Variants in SNED1 observed in about 807,000 individuals in gnomAD.
SNED1 encodes the protein sushi, nidogen and EGF-like domain-containing protein 1.
Under a neutral mutation model 166.7 loss-of-function variants are expected in SNED1, and 81 were observed. The ratio of observed to expected loss-of-function variants is 0.49; its 90% CI spans 0.41 to 0.58. The LOEUF is 0.58. Ranked by LOEUF, SNED1 falls within the 20% of genes least tolerant of loss-of-function variation. SNED1 has a pLI of 0.00. For missense variants in SNED1, 1,604 were observed against 2,000.2 expected (o/e 0.80, Z 3.78); for synonymous variants, 762 against 822.0 (o/e 0.93, Z 1.25).
At chr2:241,048,069 G>A (rs570845243) in intron 8 of SNED1, among the ~76,000 whole-genome samples, 4 of 152,170 alleles carry the variant, frequency 2.6e-5, no homozygotes, top group Non-Finnish European at 5.9e-5. Context: ...GGTGCTTCTT[G>A]TTCTGTCCAA....
In SNED1 at chr2:240,998,788, C is replaced by T; in HGVS notation, c.-50C>T. ...GGCCACCCCCGCGCGCAGCCTAGTC[C>T]CCCAGCGCCCTGCTCCGCCAGCGCC... On this transcript the variant is annotated 5_prime_UTR_variant, in exon 1 of 32. Transcript: ENST00000310397. 2.0e-6 allele frequency: 2 copies of T among 984,780 alleles called. No homozygotes were observed. The highest frequency in any genetic ancestry group is 4.3e-5 in the South Asian group (1 of 23,316). The allele number at this position is 984,780 out of a possible 1,614,324, so 61.0% of individuals were successfully genotyped here. A position where few individuals can be genotyped will look rare whatever the true frequency, so the allele number is the denominator to read the frequency against.
In SNED1 at chr2:241,081,764, C is replaced by T. The variant is rs755846432; in HGVS notation, c.4004C>T (p.Pro1335Leu). Residue 1335 changes from proline (P) to leucine (L), a missense_variant, in exon 28 of 32, where the codon CCA (proline) becomes CTA (leucine). By Grantham distance (98) the Pro-to-Leu change is moderately conservative. Coordinates refer to ENST00000310397, the MANE Select transcript of SNED1 (RefSeq NM_001080437.3). ...GACGCCCACAGCTGTGACTGCGGGC[C>T]AGGGTTCAAAGGCAGACGCTGCGAG... ...GADAHSCDCG[P>L]GFKGRRCELA... 2 of 1,601,268 alleles carry T rather than the reference C, an allele frequency of 1.2e-6. No individual in the cohort carries two copies. Among genetic ancestry groups the T allele is most frequent in the Admixed American group, 1.7e-5 (1 of 58,250 alleles).
At chr2:241,063,026 C>T (rs1228803992) in intron 17 of SNED1, 122 bp downstream of exon 17, 4 of 626,350 alleles carry the variant, frequency 6.4e-6, no homozygotes, top group Non-Finnish European at 1.1e-5. Context: ...CATGCTTTCT[C>T]GGGCCCCTGC....
Position 241,052,337 on chromosome 2 carries a change from C to T in SNED1, c.1970-18C>T, listed in dbSNP as rs1364748679. Reference sequence around the variant, plus strand: ...TCAGGGAAGACACAGTGGCCAGGACCTTCCTGCATTCTGGCAGCCCCCTCC... The same window carrying T: ...TCAGGGAAGACACAGTGGCCAGGACTTTCCTGCATTCTGGCAGCCCCCTCC... On this transcript the variant is annotated intron_variant, in intron 14 of 31. Coordinates refer to ENST00000310397, the MANE Select transcript of SNED1 (RefSeq NM_001080437.3). 1 of 1,560,672 alleles carries T rather than the reference C, an allele frequency of 6.4e-7. No individual in the cohort carries two copies. Among genetic ancestry groups the T allele is most frequent in the Admixed American group, 1.8e-5 (1 of 56,530 alleles).
intron 27 of SNED1, among the ~76,000 whole-genome samples, chr2:241,077,871 T>C (rs1401158283): frequency 2.0e-5 from 3 of 152,166 alleles, no homozygotes; most frequent in Admixed American, 2.0e-4. Flanking sequence ...TCTACGCTGC[T>C]GGTGGGACTG....
At position 241,071,554 on chromosome 2, in the gene SNED1, C is replaced by G. The variant is rs376668300; in HGVS notation, c.3590-22C>G. 1.1e-5 allele frequency: 18 copies of G among 1,571,376 alleles called. No homozygotes were observed. In the African/African-American group the frequency reaches 2.3e-4, roughly 20 times the overall value. On this transcript the variant is annotated intron_variant, in intron 24 of 31. Coordinates refer to ENST00000310397, the MANE Select transcript of SNED1 (RefSeq NM_001080437.3). ...GCAGAGGGCAGCCCCAGACCAGCCC[C>G]TTCCTCCTGCCTGCTCTGCAGCCCC...
At chr2:241,062,599 A>G (rs933583981) in intron 16 of SNED1, among the ~76,000 whole-genome samples, 192 bp from the exon 17 acceptor site, 1 of 152,192 alleles carries the variant, frequency 6.6e-6, no homozygotes, top group Non-Finnish European at 1.5e-5. Flanking sequence ...CTTCACAGAC[A>G]CAGCCAGGCA....
Position 240,999,638 on chromosome 2 carries a change from C to A in SNED1, c.213+588C>A, listed in dbSNP as rs961695962. The stretch of plus-strand genomic sequence containing the variant: ...TGCCGTCCTCTCCGCAGTCTGGGGG[C>A]TGGCCGCTCAGGCTCAGACTCTCCA... On this transcript the variant is annotated intron_variant, in intron 1 of 31. Transcript: ENST00000310397. The surrounding 1 kb of genome is among the most constrained non-coding windows in gnomAD (Gnocchi z 5.8). 6.6e-6 allele frequency among the ~76,000 whole-genome samples: 1 copy of A among 152,194 alleles called. No homozygotes were observed. The highest frequency in any genetic ancestry group is 2.4e-5 in the African/African-American group (1 of 41,452).
At chr2:241,023,584 G>A (rs773993195) in intron 1 of SNED1, among the ~76,000 whole-genome samples, 28 of 152,076 alleles carry the variant, frequency 1.8e-4, no homozygotes, top group Non-Finnish European at 1.8e-4. Flanking sequence ...TCTGTGCCTG[G>A]TCTTTTACTA....
chr2:241,063,364 G>A, intron 17 of SNED1: 3 of 579,098 alleles, frequency 5.2e-6, no homozygotes, highest in South Asian at 3.8e-5. Context: ...CCTGGAGGAA[G>A]GCATGGCCTG....
At chr2:241,024,960 C>T (rs2060909202) in intron 1 of SNED1, among the ~76,000 whole-genome samples, 1 of 152,168 alleles carries the variant, frequency 6.6e-6, no homozygotes, top group Non-Finnish European at 1.5e-5. Context: ...AGGCATGAGC[C>T]ACCATGCCTG....
At chr2:241,010,304 G>A (rs777846299) in intron 1 of SNED1, 11 of 152,498 alleles carry the variant, frequency 7.2e-5, no homozygotes, top group African/African-American at 1.9e-4. Context: ...CTTTCAGCCC[G>A]AGGTCACCTC....
chr2:241,083,050 G>A (rs2125310725), intron 29 of SNED1, among the ~76,000 whole-genome samples: 1 of 151,406 alleles, frequency 6.6e-6, no homozygotes, highest in African/African-American at 2.4e-5. Flanking sequence ...CATTGCAGAT[G>A]AGGGGACAGA....
chr2:241,016,480 GCCA>G (rs2060596694), intron 1 of SNED1, among the ~76,000 whole-genome samples: 2 of 150,112 alleles, frequency 1.3e-5, no homozygotes, highest in East Asian at 2.3e-4. Flanking sequence ...ACAGGCGTGA[GCCA>G]CCACGCCCGG....
chr2:241,040,294 C>T lies in SNED1; in HGVS notation c.1160-6C>T. 6.3e-7 allele frequency: 1 copy of T among 1,596,264 alleles called. No homozygotes were observed. The highest frequency in any genetic ancestry group is 1.1e-5 in the South Asian group (1 of 88,012). On this transcript the variant is annotated splice_region_variant and splice_polypyrimidine_tract_variant and intron_variant, in intron 7 of 31. Transcript: ENST00000310397. Reference sequence around the variant, plus strand: ...AAGCCAAGCCCGCACCTCTGCTGCCCCTCAGATGTGGACGACTGCAGCCCT... The same window carrying T: ...AAGCCAAGCCCGCACCTCTGCTGCCTCTCAGATGTGGACGACTGCAGCCCT...
In SNED1 at chr2:241,053,158, G is replaced by C; in HGVS notation, c.2089G>C (p.Asp697His). The C allele has an allele frequency of 6.2e-7, 1 of 1,609,682 alleles. No homozygotes were observed. Residue 697 changes from aspartate (D) to histidine (H), a missense_variant, in exon 16 of 32, where the codon GAC becomes CAC. Asp to His is a moderately conservative substitution (Grantham distance 81, BLOSUM62 -1). Around this residue, in one of 2 missense-constraint regions of SNED1, gnomAD observed 1,237 missense variants for 1,620.8 expected, o/e 0.76. Coordinates refer to ENST00000310397, the MANE Select transcript of SNED1 (RefSeq NM_001080437.3). ...YMGRRCQAEV[D>H]CGPPEEVKHA... ...CAGGCTGCCGTGCCTTGCAGAGGTG[G>C]ACTGCGGCCCCCCGGAGGAGGTGAA...
Position 241,018,215 on chromosome 2 carries a change from T to C in SNED1, c.214-12069T>C, listed in dbSNP as rs980066773. Among the ~76,000 whole-genome samples, 1 of 152,260 alleles carries C rather than the reference T, an allele frequency of 6.6e-6. No individual in the cohort carries two copies. ...CGCGCATTTGCAGCTTTGGTCACCA[T>C]ACACGACGTAACCCACAGGCGCTCA... On this transcript the variant is annotated intron_variant, in intron 1 of 31. Transcript: ENST00000310397. The surrounding 1 kb of genome is among the most constrained non-coding windows in gnomAD (Gnocchi z 5.4).
At chr2:241,032,059 A>G (rs928412748) in intron 2 of SNED1, among the ~76,000 whole-genome samples, 9 of 152,316 alleles carry the variant, frequency 5.9e-5, no homozygotes, top group African/African-American at 1.9e-4. Flanking sequence ...TCAAAAATCT[A>G]CATATTCAGG....
At chr2:241,027,455 C>T (rs1559234990) in intron 1 of SNED1, among the ~76,000 whole-genome samples, 1 of 152,162 alleles carries the variant, frequency 6.6e-6, no homozygotes, top group Admixed American at 6.5e-5. Flanking sequence ...CCCATTCATC[C>T]TCAGTGGACA....
Sources: allele counts gnomAD v4.1 joint callset (sites outside exome capture counted in the v4.1 genomes callset), GRCh38; gene constraint gnomAD v4.1.1; regional missense constraint gnomAD v4.1.1; non-coding constraint Gnocchi (gnomAD v3.1); transcripts MANE v1.5; gene names NCBI Gene and HGNC (gene_info 2026-07-23, HGNC 2026-07-21).